The following CPE variants were observed in gnomAD, a reference collection of about 807,000 sequenced individuals.
CPE encodes carbocypeptidase E.
In CPE, 17 loss-of-function variants were observed where a neutral mutation model predicts 53.5. The ratio of observed to expected loss-of-function variants is 0.32; its 90% confidence interval spans 0.22 to 0.48. CPE has a LOEUF of 0.48. CPE is among the 20% of genes least tolerant of loss of function. The probability of loss-of-function intolerance (pLI) is 0.99; values close to 1 mark genes in which losing one functional copy is unlikely to be tolerated. For missense variants in CPE, 524 were observed against 614.7 expected, an observed-to-expected ratio of 0.85 and a Z score of 1.56; for synonymous variants, 226 against 228.8, an observed-to-expected ratio of 0.99 and a Z score of 0.11.
chr4:165,486,716 C>T (rs1380973199), intron 5 of CPE, among the ~76,000 whole-genome samples: 1 of 152,192 alleles, frequency 6.6e-6, no homozygotes, highest in Non-Finnish European at 1.5e-5. Context: ...TGCCCCCCTA[C>T]CCCATTTTGT....
intron 1 of CPE, among the ~76,000 whole-genome samples, chr4:165,397,479 T>C (rs1730787254): frequency 6.6e-6 from 1 of 152,230 alleles, no homozygotes; most frequent in South Asian, 2.1e-4. Flanking sequence ...TTATTTTGTC[T>C]TCCTGCCTTC....
intron 1 of CPE, among the ~76,000 whole-genome samples, chr4:165,436,246 T>C (rs1731500255): frequency 6.6e-6 from 1 of 152,036 alleles, no homozygotes. Context: ...CTCTTTTCTA[T>C]ATCATTAAAA....
intron 1 of CPE, among the ~76,000 whole-genome samples, chr4:165,419,121 A>G (rs115815645): frequency 0.01 from 1,538 of 152,276 alleles, 22 homozygotes; most frequent in African/African-American, 0.035. Flanking sequence ...CATTTCTGCT[A>G]TGTGCCTGAA....
intron 1 of CPE, chr4:165,381,132 T>C (rs1730499684): frequency 2.6e-6 from 1 of 389,486 alleles, no homozygotes; most frequent in Non-Finnish European, 5.1e-6. Context: ...AGCTAATGTT[T>C]AACTTTTTGT....
chr4:165,484,625 C>G, intron 5 of CPE, 21 bp downstream of exon 5: 16 of 1,606,836 alleles, frequency 1.0e-5, no homozygotes, highest in Non-Finnish European at 1.4e-5. Flanking sequence ...ATTGTGCTCT[C>G]TGATTATGTG....
At chr4:165,389,277 C>T (rs1418328606) in intron 1 of CPE, among the ~76,000 whole-genome samples, 1 of 152,086 alleles carries the variant, frequency 6.6e-6, no homozygotes, top group Non-Finnish European at 1.5e-5. Context: ...TTTTAAATTT[C>T]AAATTAGTTT....
At chr4:165,396,886 C>CAAA (rs34670477) in intron 1 of CPE, among the ~76,000 whole-genome samples, 4,144 of 124,906 alleles carry the variant, frequency 0.033, 107 homozygotes, top group South Asian at 0.081. Flanking sequence ...CCTGTCGCCA[C>CAAA]AAAAAAAAAA....
chr4:165,487,459 T>C lies in CPE; in HGVS notation c.995T>C (p.Leu332Pro). ...VPGGMQDFNY[L>P]SSNCFEITVE... ...GCAGGGATGCAAGACTTCAATTACC[T>C]TAGCAGCAACTGTTTTGAGATCACC... Residue 332 changes from leucine (L) to proline (P), a missense_variant, in exon 6 of 9, where the codon CTT (leucine) becomes CCT (proline). Coordinates refer to ENST00000402744, the MANE Select transcript of CPE (RefSeq NM_001873.4). 6.2e-7 allele frequency: 1 copy of C among 1,614,118 alleles called. No individual in the cohort carries two copies. The highest frequency in any genetic ancestry group is 1.1e-5 in the South Asian group (1 of 91,074).
chr4:165,486,965 T>A (rs1302205912), intron 5 of CPE, among the ~76,000 whole-genome samples: 1 of 152,216 alleles, frequency 6.6e-6, no homozygotes. Flanking sequence ...CAATAGTATA[T>A]TGCCAAGACT....
chr4:165,469,951 A>T (rs1477330129), intron 3 of CPE, among the ~76,000 whole-genome samples: 1 of 152,172 alleles, frequency 6.6e-6, no homozygotes, highest in African/African-American at 2.4e-5. Flanking sequence ...TTAAACTTTT[A>T]AAAACTCTCC....
rs1301728179 is a variant in CPE at position 165,407,649 on chromosome 4, G to T, written c.307+28121G>T. On this transcript the variant is annotated intron_variant, in intron 1 of 8. Coordinates refer to ENST00000402744, the MANE Select transcript of CPE (RefSeq NM_001873.4). Reference sequence around the variant, plus strand: ...TGCAACCTCCACCTCCGAGGTTCAAGCAATTCTCCTGCCTCAGCCTCCAGA... The same window carrying T: ...TGCAACCTCCACCTCCGAGGTTCAATCAATTCTCCTGCCTCAGCCTCCAGA... Among the ~76,000 whole-genome samples, 4 of 152,024 alleles carry T rather than the reference G, an allele frequency of 2.6e-5. No homozygotes were observed. The East Asian group carries it at 7.8e-4, about 29-fold the overall frequency.
At chr4:165,432,475 T>A (rs1046412509) in intron 1 of CPE, among the ~76,000 whole-genome samples, 1 of 152,126 alleles carries the variant, frequency 6.6e-6, no homozygotes, top group African/African-American at 2.4e-5. Context: ...TTTTTAATTT[T>A]TTTGTAGAGA....
At position 165,493,884 on chromosome 4, in the gene CPE, C is replaced by T. The variant is rs530672167; in HGVS notation, c.1213+614C>T. Among the ~76,000 whole-genome samples the T allele has an allele frequency of 2.0e-5, 3 of 152,276 alleles. No individual in the cohort carries two copies. In the East Asian group the frequency reaches 5.8e-4, roughly 29 times the overall value. On this transcript the variant is annotated intron_variant, in intron 7 of 8. Coordinates refer to ENST00000402744, the MANE Select transcript of CPE (RefSeq NM_001873.4). The stretch of plus-strand genomic sequence containing the variant: ...TGCATTTTTCTGGCAAGTCTACCTA[C>T]TCGCATTAATAAACATTGATCCAGG...
chr4:165,484,983 G>T (rs1350890636), intron 5 of CPE, among the ~76,000 whole-genome samples: 1 of 152,020 alleles, frequency 6.6e-6, no homozygotes, highest in African/African-American at 2.4e-5. Context: ...TATTTTAGAG[G>T]GCTTGTTTTG....
At chr4:165,420,322 T>C (rs773361975) in intron 1 of CPE, among the ~76,000 whole-genome samples, 7 of 152,164 alleles carry the variant, frequency 4.6e-5, no homozygotes, top group Non-Finnish European at 7.4e-5. Context: ...TATGTTAATA[T>C]TGGTGATATA....
rs34260738 is a variant in CPE at position 165,439,559 on chromosome 4, C to CTT, written c.308-24820_308-24819dup. Among the ~76,000 whole-genome samples, 815 of 146,512 alleles carry CTT rather than the reference C, an allele frequency of 5.6e-3. 9 individuals are homozygous for CTT. Among genetic ancestry groups the CTT allele is most frequent in the African/African-American group, 0.018 (735 of 40,004 alleles). On this transcript the variant is annotated intron_variant, in intron 1 of 8. Transcript: ENST00000402744. Reference sequence around the variant, plus strand: ...GTGTTGTGGCAGAAGTCGGCTGAAGCTTTTTTTTTTTTAATGTGACTCATG... The same window carrying CTT: ...GTGTTGTGGCAGAAGTCGGCTGAAGCTTTTTTTTTTTTTTAATGTGACTCATG...
chr4:165,439,272 G>C (rs571707060), intron 1 of CPE, among the ~76,000 whole-genome samples: 6 of 144,818 alleles, frequency 4.1e-5, no homozygotes, highest in Admixed American at 6.9e-5. Flanking sequence ...CCAAAAGGTG[G>C]CCTTGGGTTG....
chr4:165,432,439 G>C (rs1037960787), intron 1 of CPE, among the ~76,000 whole-genome samples: 3 of 152,058 alleles, frequency 2.0e-5, no homozygotes, highest in African/African-American at 7.2e-5. Context: ...GGGACTACAG[G>C]TGTGTGCCAC....
Position 165,497,531 on chromosome 4 carries a change from C to A in CPE, c.1352C>A (p.Ser451Ter). The A allele has an allele frequency of 6.4e-7, 1 of 1,568,530 alleles. No homozygotes were observed. The highest frequency in any genetic ancestry group is 1.2e-5 in the South Asian group (1 of 81,258). The change falls in exon 9 of 9, where the codon TCA (serine) becomes TAA (stop). Residue 451 changes from serine (S) to a stop codon, truncating the protein, a stop_gained. Transcript: ENST00000402744. LOFTEE classifies it high-confidence loss of function. ...TTTTAGGTTGATTTTGAACTGGAGT[C>A]ATTTTCTGAAAGGAAAGAAGAGGAG... Reference protein sequence around the residue: ...PAAGVDFELESFSERKEEEKE... With the variant: ...PAAGVDFELE
Sources: allele counts gnomAD v4.1 joint callset (sites outside exome capture counted in the v4.1 genomes callset), GRCh38; gene constraint gnomAD v4.1.1; transcripts MANE v1.5; gene names NCBI Gene and HGNC (gene_info 2026-07-23, HGNC 2026-07-21).